LRIG1: variants seen among roughly 807,000 people sequenced by gnomAD.
The protein encoded by LRIG1 is leucine rich repeats and immunoglobulin like domains 1.
Under a neutral mutation model 99.2 loss-of-function variants are expected in LRIG1, and 48 were observed. The ratio of observed to expected loss-of-function variants is 0.48; its 90% confidence interval spans 0.38 to 0.62. The LOEUF is 0.62. Ranked by LOEUF, LRIG1 falls within the 20% of genes least tolerant of loss-of-function variation. LRIG1 has a pLI of 0.00. For synonymous variants in LRIG1, 772 were observed against 596.1 expected, an observed-to-expected ratio of 1.29 and a Z score of -4.30; for missense variants, 1,646 against 1,434.4, an observed-to-expected ratio of 1.15 and a Z score of -2.38.
At chr3:66,469,907 CAAAAAAAAAA>C (rs55768550) in intron 1 of LRIG1, among the ~76,000 whole-genome samples, 2 of 115,808 alleles carry the variant, frequency 1.7e-5, no homozygotes, top group Non-Finnish European at 3.4e-5. Flanking sequence ...CTGTCCCTAC[CAAAAAAAAAA>C]AAAAAAAAAG....
intron 3 of LRIG1, among the ~76,000 whole-genome samples, chr3:66,445,553 G>A (rs368014624): frequency 2.2e-4 from 33 of 152,106 alleles, no homozygotes; most frequent in Admixed American, 1.6e-3. Context: ...CACCTATGGT[G>A]CCCACAGGTC....
At chr3:66,384,988 A>G (rs1185185371) in intron 13 of LRIG1, among the ~76,000 whole-genome samples, 3 of 152,184 alleles carry the variant, frequency 2.0e-5, no homozygotes, top group African/African-American at 7.2e-5. Flanking sequence ...TGTGGTAAAG[A>G]AGGTGTTTCG....
At chr3:66,472,796 A>G (rs1268118173) in intron 1 of LRIG1, among the ~76,000 whole-genome samples, 1 of 152,102 alleles carries the variant, frequency 6.6e-6, no homozygotes, top group Non-Finnish European at 1.5e-5. Flanking sequence ...TCAAAACAAA[A>G]AACCCCTTCC....
intron 1 of LRIG1, among the ~76,000 whole-genome samples, chr3:66,468,639 G>T (rs1286541847): frequency 6.6e-6 from 1 of 152,164 alleles, no homozygotes; most frequent in Non-Finnish European, 1.5e-5. Flanking sequence ...GCTCTGGCCT[G>T]GGAGCCGTGG....
chr3:66,488,397 TG>T (rs564149069), intron 1 of LRIG1, among the ~76,000 whole-genome samples: 48 of 149,422 alleles, frequency 3.2e-4, no homozygotes, highest in African/African-American at 8.3e-4. Flanking sequence ...CTGAGGTGGA[TG>T]GATCACTTGA....
chr3:66,387,598 T>G (rs1461357543), intron 12 of LRIG1: 3 of 152,114 alleles, frequency 2.0e-5, no homozygotes. Flanking sequence ...AGAAAGGGAA[T>G]ATCCAATTTC....
intron 1 of LRIG1, among the ~76,000 whole-genome samples, chr3:66,484,716 T>C (rs1700931059): frequency 6.6e-6 from 1 of 151,996 alleles, no homozygotes; most frequent in Middle Eastern, 3.2e-3. Context: ...ACAATGGGAT[T>C]CATGTGCTCC....
rs151022550 is a variant in LRIG1, at chr3:66,401,172, G to A, written c.1161-2131C>T. On this transcript the variant is annotated intron_variant, in intron 9 of 18. Coordinates refer to ENST00000273261, the MANE Select transcript of LRIG1 (RefSeq NM_015541.3). ...GTGAAAACAATCGCATTCTGAAAGC[G>A]TTTCCACACCTCTCTTCAGTCTGAA... 9.2e-3 allele frequency among the ~76,000 whole-genome samples: 1,401 copies of A among 152,312 alleles called. 18 individuals are homozygous for A. The highest frequency in any genetic ancestry group is 0.03 in the African/African-American group (1,241 of 41,564).
At chr3:66,381,429 C>A in intron 17 of LRIG1, 50 bp downstream of exon 17, 2 of 1,585,608 alleles carry the variant, frequency 1.3e-6, no homozygotes, top group Non-Finnish European at 8.6e-7. Flanking sequence ...TAGGTCAGCC[C>A]AAATTTCCAT....
chr3:66,391,729 C>T (rs1055606156), intron 12 of LRIG1, among the ~76,000 whole-genome samples: 1 of 152,068 alleles, frequency 6.6e-6, no homozygotes, highest in African/African-American at 2.4e-5. Context: ...TAACAACCAT[C>T]AATTTATATA....
chr3:66,430,511 T>TC (rs1703134402), intron 3 of LRIG1, among the ~76,000 whole-genome samples: 1 of 152,044 alleles, frequency 6.6e-6, no homozygotes, highest in South Asian at 2.1e-4. Flanking sequence ...CTGCCTGAGG[T>TC]CCCCATCCAC....
At chr3:66,499,261 A>G (rs1466979169) in intron 1 of LRIG1, among the ~76,000 whole-genome samples, 2 of 152,226 alleles carry the variant, frequency 1.3e-5, no homozygotes, top group African/African-American at 4.8e-5. Flanking sequence ...GTGTCCCACT[A>G]AGTCCTAATA....
chr3:66,451,517 C>T (rs1330658984), intron 3 of LRIG1, 42 bp downstream of exon 3: 3 of 1,571,712 alleles, frequency 1.9e-6, no homozygotes, highest in East Asian at 2.3e-5. Context: ...AACACCATGG[C>T]CCCACCACAC....
intron 3 of LRIG1, among the ~76,000 whole-genome samples, chr3:66,427,004 A>T (rs919508197): frequency 3.9e-5 from 6 of 152,228 alleles, no homozygotes; most frequent in African/African-American, 9.7e-5. Flanking sequence ...AATCCACATA[A>T]TAGCTCTTTG....
At chr3:66,382,252 T>G (rs781781943) in intron 16 of LRIG1, 21 bp downstream of exon 16, 1 of 1,613,740 alleles carries the variant, frequency 6.2e-7, no homozygotes, top group Non-Finnish European at 8.5e-7. Flanking sequence ...GAGCTCTGCT[T>G]CACAGTTACT....
At chr3:66,406,443 A>G in intron 8 of LRIG1, 3 of 984,800 alleles carry the variant, frequency 3.0e-6, no homozygotes, top group Non-Finnish European at 3.6e-6. Flanking sequence ...CCTGGCCTGA[A>G]TAGCTTGGCT....
chr3:66,398,249 G>C (rs1701930295), intron 10 of LRIG1, 66 bp from the exon 11 acceptor site: 1 of 1,290,198 alleles, frequency 7.8e-7, no homozygotes, highest in Non-Finnish European at 1.1e-6. Context: ...TTTCAGGACA[G>C]TCCTGGTTTC....
intron 2 of LRIG1, among the ~76,000 whole-genome samples, chr3:66,455,016 C>A (rs1048120774): frequency 1.3e-5 from 2 of 152,210 alleles, no homozygotes; most frequent in Non-Finnish European, 2.9e-5. Flanking sequence ...ATGATCTCGG[C>A]TCACTGTAAC....
At chr3:66,463,142 A>G (rs1047303599) in intron 1 of LRIG1, among the ~76,000 whole-genome samples, 1 of 152,154 alleles carries the variant, frequency 6.6e-6, no homozygotes, top group Non-Finnish European at 1.5e-5. Flanking sequence ...GCGCGGCCCT[A>G]AATGTCAATC....
Sources: gnomAD v4.1 joint callset for allele counts (sites outside exome capture counted in the v4.1 genomes callset) on GRCh38, gnomAD v4.1.1 for gene constraint, MANE v1.5 for transcripts, NCBI Gene and HGNC (gene_info 2026-07-23, HGNC 2026-07-21) for gene names.